Variants in PCNT observed in about 807,000 individuals in gnomAD.
The protein encoded by PCNT is pericentrin.
A neutral mutation model predicts 380.4 loss-of-function variants in PCNT; 319 were observed. The ratio of observed to expected loss-of-function variants is 0.84; its 90% CI spans 0.77 to 0.92. The LOEUF is 0.92. PCNT is among the 40% of genes least tolerant of loss of function. PCNT has a pLI of 0.00. For missense variants in PCNT, 4,400 were observed against 4,255.3 expected, an observed-to-expected ratio of 1.03 and a Z score of -0.95; for synonymous variants, 1,845 against 1,735.2, an observed-to-expected ratio of 1.06 and a Z score of -1.57.
chr21:46,444,981 G>A (rs1275957963), intron 46 of PCNT, among the ~76,000 whole-genome samples, 160 bp downstream of exon 46: 1 of 152,214 alleles, frequency 6.6e-6, no homozygotes, highest in African/African-American at 2.4e-5. Context: ...TACAAGTGAA[G>A]AATCTCACAG....
rs2083676557 is a variant in PCNT, at chr21:46,334,675, T to A, written c.546T>A (p.Arg182=). Residue 182 remains arginine, a synonymous_variant, in exon 3 of 47, where the codon CGT becomes CGA. Coordinates refer to ENST00000359568, the MANE Select transcript of PCNT (RefSeq NM_006031.6). ...TCAGTGACCACCAACCGGAACAGCGTGGGATGTTCACAGTCAGTGACCACA... is the reference window on the plus strand; with the variant it reads ...TCAGTGACCACCAACCGGAACAGCGAGGGATGTTCACAGTCAGTGACCACA... The part of the protein sequence containing the change: ...FTISDHQPEQ[R]GMFTVSDHTP... 6.2e-7 allele frequency: 1 copy of A among 1,611,574 alleles called. No individual in the cohort carries two copies. The highest frequency in any genetic ancestry group is 8.5e-7 in the Non-Finnish European group (1 of 1,178,952).
intron 3 of PCNT, among the ~76,000 whole-genome samples, chr21:46,336,810 G>GTTAAATATATGTTAAATATTA (rs1208925399): frequency 1.1e-4 from 16 of 152,168 alleles, no homozygotes; most frequent in African/African-American, 3.4e-4. Context: ...TGTATTTATA[G>GTTAAATATATGTTAAATATTA]ACATATATGT....
In PCNT at chr21:46,416,719, G is replaced by A. The variant is rs182322703; in HGVS notation, c.6801G>A (p.Ser2267=). 14 of 1,580,034 alleles carry A rather than the reference G, an allele frequency of 8.9e-6. No individual in the cohort carries two copies. Among genetic ancestry groups the A allele is most frequent in the African/African-American group, 5.4e-5 (4 of 74,454 alleles). Residue 2267 remains serine, a synonymous_variant, in exon 30 of 47, where the codon TCG becomes TCA. Coordinates refer to ENST00000359568, the MANE Select transcript of PCNT (RefSeq NM_006031.6). ...DTSLGDRADT[S]LPQTQGPGLL... The stretch of plus-strand genomic sequence containing the variant: ...CCCTGGGGGACAGGGCGGACACCTC[G>A]CTGCCACAGACCCAGGGGCCGGGGC...
intron 3 of PCNT, among the ~76,000 whole-genome samples, chr21:46,337,505 G>A (rs12626339): frequency 6.6e-6 from 1 of 152,194 alleles, no homozygotes; most frequent in Non-Finnish European, 1.5e-5. Flanking sequence ...TGAGTATGTA[G>A]TCAGGTTCAT....
At chr21:46,400,996 G>A (rs1350050121) in intron 25 of PCNT, among the ~76,000 whole-genome samples, 6 of 152,184 alleles carry the variant, frequency 3.9e-5, no homozygotes, top group Admixed American at 3.9e-4. Context: ...GCTGCTCCAG[G>A]GCGGCTTCAC....
chr21:46,397,814 G>A (rs1012373852), intron 22 of PCNT, among the ~76,000 whole-genome samples, 200 bp from the exon 23 acceptor site: 2 of 152,206 alleles, frequency 1.3e-5, no homozygotes, highest in Admixed American at 1.3e-4. Context: ...AGTCTCAGAC[G>A]TTCCTCTGTG....
chr21:46,412,395 C>T (rs2147687166), intron 28 of PCNT, among the ~76,000 whole-genome samples: 1 of 152,362 alleles, frequency 6.6e-6, no homozygotes, highest in South Asian at 2.1e-4. Context: ...TAAGCTGCTT[C>T]TCTGGTTTCT....
At position 46,353,134 on chromosome 21, in the gene PCNT, C is replaced by G. The variant is rs2084338467; in HGVS notation, c.1487C>G (p.Ser496Cys). The change falls in exon 10 of 47, where the codon TCT (serine) becomes TGT (cysteine). Residue 496 changes from serine to cysteine, a missense_variant. Ser to Cys is a moderately radical substitution (Grantham distance 112). Coordinates refer to ENST00000359568, the MANE Select transcript of PCNT (RefSeq NM_006031.6). The part of the protein sequence containing the change: ...ELHEQLLART[S>C]RVEDLEQLKQ... ...CATGAGCAACTCCTGGCGCGCACCTCTCGTGTGGAAGATTTAGAACAGCTG... is the reference window on the plus strand; with the variant it reads ...CATGAGCAACTCCTGGCGCGCACCTGTCGTGTGGAAGATTTAGAACAGCTG... 3.1e-6 allele frequency: 5 copies of G among 1,614,052 alleles called. No individual in the cohort carries two copies. The highest frequency in any genetic ancestry group is 4.2e-6 in the Non-Finnish European group (5 of 1,180,042).
Position 46,443,930 on chromosome 21 carries a change from C to T in PCNT, c.9821C>T (p.Ser3274Phe). The T allele has an allele frequency of 6.2e-7, 1 of 1,612,360 alleles. No individual in the cohort carries two copies. Among genetic ancestry groups the T allele is most frequent in the East Asian group, 2.2e-5 (1 of 44,882 alleles). Residue 3274 changes from serine (S) to phenylalanine (F), a missense_variant, in exon 45 of 47, where the codon TCC (serine) becomes TTC (phenylalanine). By Grantham distance (155) the Ser-to-Phe change is radical. Transcript: ENST00000359568. The stretch of plus-strand genomic sequence containing the variant: ...GGCCGCAGACTGGCAGCAGCAGCCT[C>T]CCCACACAGTGGGGGAAGGTCAGTG... ...ARGRRLAAAA[S>F]PHSGGRATPS...
chr21:46,387,336 C>T (rs2085873158), intron 17 of PCNT, among the ~76,000 whole-genome samples: 1 of 152,152 alleles, frequency 6.6e-6, no homozygotes, highest in Non-Finnish European at 1.5e-5. Context: ...GGTGCTGACT[C>T]TCTCCAGTCA....
chr21:46,386,216 T>G (rs1362561458), intron 17 of PCNT, among the ~76,000 whole-genome samples: 1 of 152,168 alleles, frequency 6.6e-6, no homozygotes, highest in African/African-American at 2.4e-5. Flanking sequence ...CCTCCCACCC[T>G]GCCTGCTGTG....
intron 37 of PCNT, 106 bp downstream of exon 37, chr21:46,430,763 C>T (rs2087724153): frequency 6.5e-7 from 1 of 1,539,528 alleles, no homozygotes. Flanking sequence ...TGGCAGTGCA[C>T]CCAGTTGACA....
chr21:46,389,377 C>T lies in PCNT; in HGVS notation c.3786C>T (p.Ser1262=). Residue 1262 remains serine, a synonymous_variant, in exon 19 of 47, where the codon AGC becomes AGT. Coordinates refer to ENST00000359568, the MANE Select transcript of PCNT (RefSeq NM_006031.6). Reference sequence around the variant, plus strand: ...AGCCCATCCGGAGGGTCTTCCAGAGCCTCAGCCTGGCCGTGGACGGCCTCA... The same window carrying T: ...AGCCCATCCGGAGGGTCTTCCAGAGTCTCAGCCTGGCCGTGGACGGCCTCA... ...CEQPIRRVFQ[S]LSLAVDGLME... is the part of the protein sequence containing the mutation. 1 of 1,614,202 alleles carries T rather than the reference C, an allele frequency of 6.2e-7. No individual in the cohort carries two copies. The highest frequency in any genetic ancestry group is 8.5e-7 in the Non-Finnish European group (1 of 1,180,018).
rs1162462239 is a variant in PCNT at position 46,412,040 on chromosome 21, T to C, written c.5967T>C (p.Ala1989=). 3 of 1,608,148 alleles carry C rather than the reference T, an allele frequency of 1.9e-6. No individual in the cohort carries two copies. The South Asian group carries it at 3.3e-5, about 18-fold the overall frequency. ...TGDVEASHDA[A]LEPVVPDPQG... ...ACGTGGAGGCCTCCCATGATGCTGCTTTGGAGCCGGTTGTCCCTGACCCAC... is the reference window on the plus strand; with the variant it reads ...ACGTGGAGGCCTCCCATGATGCTGCCTTGGAGCCGGTTGTCCCTGACCCAC... The change falls in exon 28 of 47, where the codon GCT becomes GCC. Residue 1989 remains alanine (A), a synonymous_variant. Coordinates refer to ENST00000359568, the MANE Select transcript of PCNT (RefSeq NM_006031.6).
In PCNT at chr21:46,363,644, A is replaced by G. The variant is rs767552816; in HGVS notation, c.2319A>G (p.Glu773=). ...AGAAGTTAACATTGATGCTACTTGA[A>G]CTGAGAGAAAAGGCTGAATCCGAGA... ...AEEKLTLMLL[E]LREKAESEKQ... Residue 773 remains glutamate (E), a synonymous_variant, in exon 14 of 47, where the codon GAA becomes GAG. Transcript: ENST00000359568. 1 of 1,614,250 alleles carries G rather than the reference A, an allele frequency of 6.2e-7. No individual in the cohort carries two copies. Among genetic ancestry groups the G allele is most frequent in the Non-Finnish European group, 8.5e-7 (1 of 1,180,044 alleles).
In PCNT at chr21:46,385,861, CGAGATAGAA is replaced by C. The variant is rs1569233915; in HGVS notation, c.3346_3354del (p.Ile1116_Glu1118del). 27 of 1,614,108 alleles carry C rather than the reference CGAGATAGAA, an allele frequency of 1.7e-5. No individual in the cohort carries two copies. Among genetic ancestry groups the C allele is most frequent in the Non-Finnish European group, 2.3e-5 (27 of 1,180,034 alleles). Reference sequence around the variant, plus strand: ...AAGACCAGGTTTTATCCTTAAGTCACGAGATAGAAGAGTGCCGCTCCGAGTTGGAGGTGC... The same window carrying C: ...AAGACCAGGTTTTATCCTTAAGTCACGAGTGCCGCTCCGAGTTGGAGGTGC... On this transcript the variant is annotated inframe_deletion, in exon 17 of 47. Transcript: ENST00000359568.
At chr21:46,420,881 T>C (rs2839249) in intron 31 of PCNT, 27,488 of 152,128 alleles carry the variant, frequency 0.18, 4,641 homozygotes, top group African/African-American at 0.45. Flanking sequence ...ATTTCTTCGT[T>C]GTCATCTTTA....
Position 46,373,863 on chromosome 21 carries a change from G to A in PCNT, c.3165+6724G>A, listed in dbSNP as rs138077783. Among the ~76,000 whole-genome samples, 476 of 151,196 alleles carry A rather than the reference G, an allele frequency of 3.1e-3. 11 individuals are homozygous for A. The East Asian group carries it at 0.07, about 22-fold the overall frequency. ...TCCTGCCTCAGCCTCCTGAGTAGCT[G>A]GGATTACAGGCACATACCACCACGC... On this transcript the variant is annotated intron_variant, in intron 15 of 46. Transcript: ENST00000359568.
At chr21:46,372,466 C>T (rs1014120217) in intron 15 of PCNT, among the ~76,000 whole-genome samples, 4 of 152,216 alleles carry the variant, frequency 2.6e-5, no homozygotes, top group African/African-American at 7.2e-5. Context: ...ATGCCTGGGG[C>T]CCTCCTGCTT....
Sources: gnomAD v4.1 joint callset for allele counts (sites outside exome capture counted in the v4.1 genomes callset) on GRCh38, gnomAD v4.1.1 for gene constraint, MANE v1.5 for transcripts, NCBI Gene and HGNC (gene_info 2026-07-23, HGNC 2026-07-21) for gene names.